The following CAST variants were observed in gnomAD, a reference collection of about 807,000 sequenced individuals.
The protein encoded by CAST is MIR583 host.
A neutral mutation model predicts 119.6 loss-of-function variants in CAST; 76 were observed. That is an observed-to-expected ratio of 0.64 (90% CI 0.53 to 0.77). The LOEUF (loss-of-function observed/expected upper bound fraction) is 0.77, where lower values mean the gene tolerates loss of function less well. Ranked by LOEUF, CAST falls within the 30% of genes least tolerant of loss-of-function variation. The probability of loss-of-function intolerance (pLI) is 0.00; values close to 1 mark genes in which losing one functional copy is unlikely to be tolerated. For synonymous variants in CAST, 319 were observed against 331.6 expected (o/e 0.96, Z 0.41); for missense variants, 953 against 946.5 (o/e 1.01, Z -0.09).
At chr5:96,373,532 G>A in the CAST span, among the ~76,000 whole-genome samples, 4 of 152,146 alleles carry the variant, frequency 2.6e-5, no homozygotes, top group African/African-American at 4.8e-5. Flanking sequence ...CTGAGGTGTA[G>A]GACTTTCAGA....
chr5:96,760,110 G>A (rs1164503441), intron 24 of CAST, among the ~76,000 whole-genome samples: 2 of 151,924 alleles, frequency 1.3e-5, no homozygotes, highest in East Asian at 1.9e-4. Context: ...TGAAAAAGAT[G>A]GGGTCACATA....
At chr5:96,177,938 T>C in the CAST span, among the ~76,000 whole-genome samples, 1 of 152,232 alleles carries the variant, frequency 6.6e-6, no homozygotes, top group Admixed American at 6.5e-5. Context: ...AAGGAAGAAC[T>C]GTACTCTTCG....
At chr5:96,585,371 A>G (rs146040662) in intron 1 of CAST, among the ~76,000 whole-genome samples, 189 of 152,082 alleles carry the variant, frequency 1.2e-3, no homozygotes, top group African/African-American at 4.4e-3. Context: ...AATTCCTATT[A>G]CTCCACTCTT....
At position 96,583,847 on chromosome 5, in the gene CAST, C is replaced by G. The variant is rs187176515; in HGVS notation, c.60+53967C>G. The stretch of plus-strand genomic sequence containing the variant: ...CTGTGAGCTGTCCACTAGTGAGAAC[C>G]AAGGTATTGAGAAGTTAAGACACCA... On this transcript the variant is annotated intron_variant, in intron 1 of 11. Transcript: ENST00000505143. Among the ~76,000 whole-genome samples, 4 of 152,098 alleles carry G rather than the reference C, an allele frequency of 2.6e-5. No homozygotes were observed. In the East Asian group the frequency reaches 5.8e-4, roughly 22 times the overall value.
the CAST span, among the ~76,000 whole-genome samples, chr5:96,495,043 G>T: frequency 2.0e-5 from 3 of 151,280 alleles, no homozygotes; most frequent in East Asian, 5.8e-4. Flanking sequence ...GCTTGAACCC[G>T]GGAGGCGGAG....
At chr5:96,108,327 G>C in the CAST span, among the ~76,000 whole-genome samples, 1 of 152,174 alleles carries the variant, frequency 6.6e-6, no homozygotes, top group Non-Finnish European at 1.5e-5. Flanking sequence ...CAGTTTTTCT[G>C]CTCTGTTTTT....
At chr5:96,216,665 C>A in the CAST span, among the ~76,000 whole-genome samples, 2 of 152,262 alleles carry the variant, frequency 1.3e-5, no homozygotes, top group Middle Eastern at 3.4e-3. Context: ...ATCAGGAAGT[C>A]TTCAAGATCA....
chr5:96,372,825 A>G, the CAST span, among the ~76,000 whole-genome samples: 1 of 152,146 alleles, frequency 6.6e-6, no homozygotes, highest in Non-Finnish European at 1.5e-5. Flanking sequence ...GCCACCATCA[A>G]TGCTGACTGA....
At chr5:96,705,344 AG>A (rs1754742194) in intron 3 of CAST, among the ~76,000 whole-genome samples, 2 of 152,104 alleles carry the variant, frequency 1.3e-5, no homozygotes, top group East Asian at 3.9e-4. Flanking sequence ...AAGAAAAAAA[AG>A]AAAAAAAAAG....
At chr5:96,613,428 A>C (rs764456593) in intron 1 of CAST, among the ~76,000 whole-genome samples, 1 of 152,132 alleles carries the variant, frequency 6.6e-6, no homozygotes. Flanking sequence ...AGATTTTGTA[A>C]TACTACTATT....
At chr5:96,338,234 G>A in the CAST span, among the ~76,000 whole-genome samples, 1 of 152,170 alleles carries the variant, frequency 6.6e-6, no homozygotes, top group African/African-American at 2.4e-5. Context: ...TATTTCAAAT[G>A]CATTTATGCA....
At chr5:96,517,731 C>T in the CAST span, among the ~76,000 whole-genome samples, 3 of 152,058 alleles carry the variant, frequency 2.0e-5, no homozygotes, top group African/African-American at 7.2e-5. Context: ...TGTGCTCCAT[C>T]AGCTACTAAA....
intron 1 of CAST, among the ~76,000 whole-genome samples, chr5:96,592,851 G>A (rs750859574): frequency 6.6e-6 from 1 of 151,388 alleles, no homozygotes; most frequent in African/African-American, 2.4e-5. Flanking sequence ...TGCAAGCTCC[G>A]CCTCCTGGGT....
At chr5:96,081,750 C>T in the CAST span, among the ~76,000 whole-genome samples, 4 of 152,178 alleles carry the variant, frequency 2.6e-5, no homozygotes, top group African/African-American at 9.7e-5. Context: ...ACTCTTTCTA[C>T]AGCCTGGAGA....
the CAST span, among the ~76,000 whole-genome samples, chr5:96,494,979 G>A: frequency 6.9e-3 from 1,047 of 152,100 alleles, 13 homozygotes; most frequent in African/African-American, 0.024. Context: ...TTAGCCAGGT[G>A]TGTTGGTGGG....
At chr5:96,012,497 G>A in the CAST span, among the ~76,000 whole-genome samples, 3,854 of 152,086 alleles carry the variant, frequency 0.025, 152 homozygotes, top group African/African-American at 0.087. Flanking sequence ...GTAACATATG[G>A]TCTGAAGTCT....
intron 1 of CAST, among the ~76,000 whole-genome samples, chr5:96,624,572 A>G (rs1479942185): frequency 6.6e-6 from 1 of 152,236 alleles, no homozygotes; most frequent in African/African-American, 2.4e-5. Flanking sequence ...CCCCACAAAA[A>G]TAATATTTTT....
At chr5:96,468,486 CGTTAGCCTTAGG>C in the CAST span, among the ~76,000 whole-genome samples, 150 of 152,156 alleles carry the variant, frequency 9.9e-4, 1 homozygote, top group Admixed American at 9.1e-3. Context: ...GCCCAAGAAG[CGTTAGCCTTAGG>C]TGTGTCTATC....
At chr5:96,207,727 A>G in the CAST span, among the ~76,000 whole-genome samples, 2 of 152,036 alleles carry the variant, frequency 1.3e-5, no homozygotes, top group East Asian at 1.9e-4. Context: ...TTTTGCATCT[A>G]TGTTCATCAT....
Sources: allele counts gnomAD v4.1 joint callset (sites outside exome capture counted in the v4.1 genomes callset), GRCh38; gene constraint gnomAD v4.1.1; transcripts MANE v1.5; gene names NCBI Gene and HGNC (gene_info 2026-07-23, HGNC 2026-07-21).